Variants in PAFAH2 observed in about 807,000 individuals in gnomAD.
The protein encoded by PAFAH2 is platelet-activating factor acetylhydrolase 2, cytoplasmic.
In PAFAH2, 42 loss-of-function variants were observed where a neutral mutation model predicts 49.0. That is an observed-to-expected ratio of 0.86 (90% confidence interval 0.67 to 1.11). PAFAH2 has a LOEUF of 1.11. Among genes scored for constraint, PAFAH2 ranks in the 50% least tolerant of loss-of-function variants. The pLI, the probability that PAFAH2 is intolerant of heterozygous loss-of-function variation, is 0.00. For missense variants in PAFAH2, 503 were observed against 501.8 expected (o/e 1.00, Z -0.02); for synonymous variants, 184 against 181.3 (o/e 1.01, Z -0.12).
intron 4 of PAFAH2, among the ~76,000 whole-genome samples, chr1:25,985,111 C>T (rs1347180284): frequency 6.6e-6 from 1 of 152,132 alleles, no homozygotes; most frequent in African/African-American, 2.4e-5. Context: ...CCCACCTCGG[C>T]CTCCCAAAGT....
At chr1:25,967,031 C>CAAAAA (rs34853555) in intron 10 of PAFAH2, among the ~76,000 whole-genome samples, 2 of 84,222 alleles carry the variant, frequency 2.4e-5, no homozygotes, top group Non-Finnish European at 4.2e-5. Flanking sequence ...GACGCCTTCT[C>CAAAAA]AAAAAAAAAA....
intron 1 of PAFAH2, among the ~76,000 whole-genome samples, chr1:25,996,295 C>T (rs1352292298): frequency 6.6e-6 from 1 of 152,048 alleles, no homozygotes; most frequent in East Asian, 1.9e-4. Flanking sequence ...GGCTTGGGAG[C>T]CGGAGGCCAC....
At chr1:25,972,789 C>G in intron 9 of PAFAH2, 77 bp from the exon 10 acceptor site, 3 of 1,438,216 alleles carry the variant, frequency 2.1e-6, no homozygotes, top group Non-Finnish European at 2.9e-6. Context: ...CTACTATGTG[C>G]AAGGTGCTTT....
At chr1:25,972,471 A>G (rs2049522919) in intron 10 of PAFAH2, 87 bp downstream of exon 10, 1 of 1,420,404 alleles carries the variant, frequency 7.0e-7, no homozygotes, top group Non-Finnish European at 9.6e-7. Context: ...TCCTTCCCAG[A>G]TCCCAGACAT....
chr1:25,981,215 T>C (rs2049683351), intron 7 of PAFAH2, among the ~76,000 whole-genome samples: 1 of 99,568 alleles, frequency 1.0e-5, no homozygotes, highest in Non-Finnish European at 2.5e-5. Flanking sequence ...GATAACATAA[T>C]TGTGTAAAAA....
In PAFAH2 at chr1:25,988,312, G is replaced by A; in HGVS notation, c.260C>T (p.Pro87Leu). ...CTTAAAGGGGCCATTCCAGCTAACA[G>A]GCAGGCGACAAGATCCTAGCAGAGA... ...FNLAVGSCRL[P>L]VSWNGPFKTK... Residue 87 changes from proline (P) to leucine (L), a missense_variant, in exon 4 of 11, where the codon CCT becomes CTT. By Grantham distance (98) the Pro-to-Leu change is moderately conservative. Coordinates refer to ENST00000374282, the MANE Select transcript of PAFAH2 (RefSeq NM_000437.4). The A allele has an allele frequency of 6.2e-7, 1 of 1,611,222 alleles. No individual in the cohort carries two copies. The highest frequency in any genetic ancestry group is 8.5e-7 in the Non-Finnish European group (1 of 1,178,618).
rs530401132 is a variant in PAFAH2 at position 25,967,651 on chromosome 1, G to T, written c.1084+4907C>A. On this transcript the variant is annotated intron_variant, in intron 10 of 10. Transcript: ENST00000374282. ...TGGGCACCCTGACAATAGCGGTTTT[G>T]ATGGAGTACTGTGATGCAAAAGCCT... 4.3e-4 allele frequency among the ~76,000 whole-genome samples: 66 copies of T among 152,344 alleles called. 1 individual carries two copies. The Middle Eastern group carries it at 0.031, about 71-fold the overall frequency.
At chr1:25,976,304 G>A (rs1418974689) in intron 8 of PAFAH2, among the ~76,000 whole-genome samples, 4 of 151,854 alleles carry the variant, frequency 2.6e-5, no homozygotes, top group Admixed American at 1.3e-4. Flanking sequence ...ACACTTGGCT[G>A]TTTTGTTTTT....
At chr1:25,984,685 C>T (rs1262210904) in intron 4 of PAFAH2, among the ~76,000 whole-genome samples, 157 bp from the exon 5 acceptor site, 2 of 152,162 alleles carry the variant, frequency 1.3e-5, no homozygotes, top group Admixed American at 6.5e-5. Flanking sequence ...GAGAAATAAA[C>T]ATTACCATAT....
At chr1:25,985,881 C>T (rs1478791896) in intron 4 of PAFAH2, among the ~76,000 whole-genome samples, 1 of 152,248 alleles carries the variant, frequency 6.6e-6, no homozygotes, top group Non-Finnish European at 1.5e-5. Context: ...GTCCCACCTT[C>T]CTCTCATGCC....
chr1:25,982,007 C>T (rs1264985350), intron 7 of PAFAH2, among the ~76,000 whole-genome samples: 8 of 148,518 alleles, frequency 5.4e-5, no homozygotes, highest in East Asian at 2.0e-4. Flanking sequence ...GGGACAAGAG[C>T]GAGACTTTGT....
intron 6 of PAFAH2, 86 bp from the exon 7 acceptor site, chr1:25,982,563 T>A (rs554814274): frequency 1.4e-5 from 15 of 1,054,098 alleles, no homozygotes; most frequent in Middle Eastern, 2.7e-4. Context: ...CAAGGAAGAA[T>A]GCACAGATAG....
chr1:25,988,198 G>A lies in PAFAH2; in HGVS notation c.341+33C>T, dbSNP rs201526046. The A allele has an allele frequency of 3.5e-5, 49 of 1,390,176 alleles. No homozygotes were observed. In the African/African-American group the frequency reaches 6.9e-4, roughly 20 times the overall value. 86.1% of individuals were successfully genotyped at this position (1,390,176 alleles called of 1,614,324 possible). ...CTCAGCAGCTGTCACCAGGCAAGGA[G>A]TATGGCAAGGTCTGGGGGAAAGAAG... On this transcript the variant is annotated intron_variant, in intron 4 of 10. Transcript: ENST00000374282.
chr1:25,988,217 AAAG>A lies in PAFAH2; in HGVS notation c.341+11_341+13del, dbSNP rs746556157. The A allele has an allele frequency of 1.9e-6, 3 of 1,556,794 alleles. No homozygotes were observed. Among genetic ancestry groups the A allele is most frequent in the Admixed American group, 1.8e-5 (1 of 54,430 alleles). On this transcript the variant is annotated intron_variant, in intron 4 of 10. Coordinates refer to ENST00000374282, the MANE Select transcript of PAFAH2 (RefSeq NM_000437.4). Reference sequence around the variant, plus strand: ...CAAGGAGTATGGCAAGGTCTGGGGGAAAGAAGCTCTTACCTGAAGGCTCCTAGG... The same window carrying A: ...CAAGGAGTATGGCAAGGTCTGGGGGAAAGCTCTTACCTGAAGGCTCCTAGG...
At position 25,982,470 on chromosome 1, in the gene PAFAH2, T is replaced by C. The variant is rs1294040933; in HGVS notation, c.560A>G (p.Gln187Arg). The change falls in exon 7 of 11, where the codon CAG (glutamine) becomes CGG (arginine). Residue 187 changes from glutamine to arginine, a missense_variant. Gln to Arg is a conservative substitution (Grantham distance 43). Coordinates refer to ENST00000374282, the MANE Select transcript of PAFAH2 (RefSeq NM_000437.4). ...EFHVRNPQVHQRVSECLRVLK... is the reference protein window; with the variant it reads ...EFHVRNPQVHRRVSECLRVLK... ...CACCCGTAAACACTCGCTTACCCGC[T>C]GATGCACCTGCAACAGAGACAGTCC... 4 of 1,612,624 alleles carry C rather than the reference T, an allele frequency of 2.5e-6. No homozygotes were observed. Among genetic ancestry groups the C allele is most frequent in the Non-Finnish European group, 3.4e-6 (4 of 1,178,710 alleles).
In PAFAH2 at chr1:25,983,556, C is replaced by CAAAA. The variant is rs201703484; in HGVS notation, c.552+386_552+389dup. Among the ~76,000 whole-genome samples, 3 of 64,274 alleles carry CAAAA rather than the reference C, an allele frequency of 4.7e-5. 1 individual carries two copies. Among genetic ancestry groups the CAAAA allele is most frequent in the Non-Finnish European group, 8.7e-5 (2 of 23,094 alleles). 42.2% of individuals were successfully genotyped at this position (64,274 alleles called of 152,430 possible). ...TGGGCGACAGAGCAAGATCCTGTCT[C>CAAAA]AAAAACAAAAAAAAAAACAACTTAT... On this transcript the variant is annotated intron_variant, in intron 6 of 10. Transcript: ENST00000374282.
At chr1:25,997,158 C>T (rs2049947902) in intron 1 of PAFAH2, among the ~76,000 whole-genome samples, 1 of 152,206 alleles carries the variant, frequency 6.6e-6, no homozygotes, top group African/African-American at 2.4e-5. Flanking sequence ...AAGCACTTCT[C>T]TTGTGCTTCC....
At position 25,962,008 on chromosome 1, in the gene PAFAH2, T is replaced by TG. The variant is rs35864830; in HGVS notation, c.1159dup (p.His387ProfsTer14). The TG allele has an allele frequency of 2.5e-5, 40 of 1,613,626 alleles. No individual in the cohort carries two copies. The highest frequency in any genetic ancestry group is 1.7e-4 in the Admixed American group (10 of 59,976). On this transcript the variant is annotated frameshift_variant, in exon 11 of 11. Coordinates refer to ENST00000374282, the MANE Select transcript of PAFAH2 (RefSeq NM_000437.4). LOFTEE classifies it high-confidence loss of function. ...TTGTGCCTACAGGCTGGACAGATGG[T>TG]GGGGGGCCCCTGGGGTGAGCGACGG...
intron 10 of PAFAH2, among the ~76,000 whole-genome samples, chr1:25,963,421 A>T (rs2049370350): frequency 6.6e-6 from 1 of 152,026 alleles, no homozygotes; most frequent in Non-Finnish European, 1.5e-5. Flanking sequence ...GGTGCCATGG[A>T]AAAAAAATAG....
Sources: allele counts gnomAD v4.1 joint callset (sites outside exome capture counted in the v4.1 genomes callset), GRCh38; gene constraint gnomAD v4.1.1; transcripts MANE v1.5; gene names NCBI Gene and HGNC (gene_info 2026-07-23, HGNC 2026-07-21).